Variants in NXPE2 observed in about 807,000 individuals in gnomAD.
NXPE2 encodes the protein NXPE family member 2.
NXPE2 carries 34 observed loss-of-function variants against 34.4 expected under a neutral mutation model. The ratio of observed to expected loss-of-function variants is 0.99; its 90% CI spans 0.75 to 1.31. The LOEUF is 1.31. Among genes scored for constraint, NXPE2 ranks in the 40% most tolerant of loss-of-function variants. NXPE2 has a pLI of 0.00. For synonymous variants in NXPE2, 235 were observed against 231.3 expected (o/e 1.02, Z -0.15); for missense variants, 649 against 672.5 (o/e 0.97, Z 0.39).
chr11:114,540,837 CTTTTTTTTTTTTTTTTTTTTTTT>C, the NXPE2 span, among the ~76,000 whole-genome samples: 64 of 47,466 alleles, frequency 1.3e-3, no homozygotes, highest in East Asian at 5.4e-3. Context: ...AGAAAGCCAT[CTTTTTTTTTTTTTTTTTTTTTTT>C]TTTTTTTTTT....
At chr11:114,641,741 G>A in the NXPE2 span, among the ~76,000 whole-genome samples, 6 of 151,988 alleles carry the variant, frequency 3.9e-5, no homozygotes, top group Admixed American at 6.6e-5. Context: ...ACTGAAAGTG[G>A]GCAACGTTCT....
chr11:114,603,337 A>C, the NXPE2 span, among the ~76,000 whole-genome samples: 5 of 136,056 alleles, frequency 3.7e-5, no homozygotes, highest in African/African-American at 1.1e-4. Context: ...GTATTGCCTC[A>C]TCTCCTAGGT....
chr11:114,547,542 C>G, the NXPE2 span, among the ~76,000 whole-genome samples: 2 of 152,122 alleles, frequency 1.3e-5, no homozygotes, highest in African/African-American at 4.8e-5. Context: ...TGAGACCAGC[C>G]TGGCCAACAT....
chr11:114,551,379 C>CT, the NXPE2 span: 1 of 1,394,172 alleles, frequency 7.2e-7, no homozygotes, highest in Non-Finnish European at 9.3e-7. Flanking sequence ...ATCCCTTTGT[C>CT]TACCTATTGG....
the NXPE2 span, among the ~76,000 whole-genome samples, chr11:114,657,762 C>T: frequency 2.0e-5 from 3 of 152,032 alleles, no homozygotes; most frequent in Admixed American, 6.6e-5. Flanking sequence ...ATAAGAACCC[C>T]TGATTTAGCA....
the NXPE2 span, among the ~76,000 whole-genome samples, chr11:114,781,038 C>T: frequency 7.4e-4 from 112 of 152,210 alleles, no homozygotes; most frequent in Non-Finnish European, 1.4e-3. Context: ...GGGAGACTTA[C>T]GAGGTATGGA....
chr11:114,774,745 C>G, the NXPE2 span, among the ~76,000 whole-genome samples: 1 of 152,110 alleles, frequency 6.6e-6, no homozygotes, highest in African/African-American at 2.4e-5. Context: ...CTTGCTTTTT[C>G]CCTTCTTGAC....
chr11:114,523,864 TATACTG>T, the NXPE2 span, among the ~76,000 whole-genome samples: 12 of 152,256 alleles, frequency 7.9e-5, no homozygotes, highest in Non-Finnish European at 1.5e-4. Flanking sequence ...TCAGGACTTC[TATACTG>T]ATACTACGTT....
chr11:114,628,941 C>T, the NXPE2 span, among the ~76,000 whole-genome samples: 12 of 151,936 alleles, frequency 7.9e-5, no homozygotes, highest in Non-Finnish European at 1.6e-4. Context: ...ATAAATTCCT[C>T]GACACATACA....
chr11:114,785,918 A>G, the NXPE2 span, among the ~76,000 whole-genome samples: 1 of 152,308 alleles, frequency 6.6e-6, no homozygotes, highest in East Asian at 1.9e-4. Flanking sequence ...AGCACCTGAG[A>G]TGTGTTCTAA....
the NXPE2 span, among the ~76,000 whole-genome samples, chr11:114,468,680 G>A: frequency 3.0e-4 from 45 of 152,102 alleles, no homozygotes; most frequent in Non-Finnish European, 4.7e-4. Flanking sequence ...AAATGCACAG[G>A]TTAGTCCCCA....
the NXPE2 span, among the ~76,000 whole-genome samples, chr11:114,564,080 A>G: frequency 6.6e-6 from 1 of 152,196 alleles, no homozygotes. Flanking sequence ...ATGAGTGGAT[A>G]AAGAAAATGT....
At chr11:114,793,051 C>G in the NXPE2 span, among the ~76,000 whole-genome samples, 2 of 152,106 alleles carry the variant, frequency 1.3e-5, no homozygotes, top group African/African-American at 4.8e-5. Flanking sequence ...AGCTGAAAAC[C>G]CTCTTATAAT....
chr11:114,468,922 G>C, the NXPE2 span, among the ~76,000 whole-genome samples: 289 of 152,070 alleles, frequency 1.9e-3, no homozygotes, highest in African/African-American at 6.8e-3. Flanking sequence ...GAGAAGAGTG[G>C]TTACATTACT....
chr11:114,466,393 TG>T, the NXPE2 span, among the ~76,000 whole-genome samples: 1 of 152,360 alleles, frequency 6.6e-6, no homozygotes, highest in African/African-American at 2.4e-5. Context: ...TTATATGTAT[TG>T]TTTAGTATTA....
chr11:114,632,981 TA>T, the NXPE2 span, among the ~76,000 whole-genome samples: 1 of 104,376 alleles, frequency 9.6e-6, no homozygotes, highest in Non-Finnish European at 1.7e-5. Context: ...ATATATTATA[TA>T]TTTTTATATA....
chr11:114,778,520 G>C, the NXPE2 span, among the ~76,000 whole-genome samples: 3 of 152,142 alleles, frequency 2.0e-5, no homozygotes, highest in African/African-American at 7.2e-5. Context: ...TAAATCCTTT[G>C]GGGGAGATGA....
the NXPE2 span, among the ~76,000 whole-genome samples, chr11:114,769,976 A>G: frequency 6.6e-6 from 1 of 152,194 alleles, no homozygotes; most frequent in Non-Finnish European, 1.5e-5. Flanking sequence ...AAAGAAAGAC[A>G]AAAAGAACCT....
chr11:114,549,096 G>C, the NXPE2 span, among the ~76,000 whole-genome samples: 2 of 151,812 alleles, frequency 1.3e-5, no homozygotes, highest in East Asian at 3.9e-4. Context: ...TGACCTGAGT[G>C]ACATTAAAAA....
Sources: allele counts gnomAD v4.1 joint callset (sites outside exome capture counted in the v4.1 genomes callset), GRCh38; gene constraint gnomAD v4.1.1; transcripts MANE v1.5; gene names NCBI Gene and HGNC (gene_info 2026-07-23, HGNC 2026-07-21).